Variants in ENOX1 observed in about 807,000 individuals in gnomAD.
ENOX1 encodes ecto-NOX disulfide-thiol exchanger 1.
Under a neutral mutation model 82.5 loss-of-function variants are expected in ENOX1, and 42 were observed. That is an observed-to-expected ratio of 0.51 (90% CI 0.40 to 0.66). The LOEUF is 0.66. Among genes scored for constraint, ENOX1 ranks in the 30% least tolerant of loss-of-function variants. The probability of loss-of-function intolerance (pLI) is 0.00; values close to 1 mark genes in which losing one functional copy is unlikely to be tolerated. For synonymous variants in ENOX1, 271 were observed against 282.2 expected, an observed-to-expected ratio of 0.96 and a Z score of 0.40; for missense variants, 608 against 811.6, an observed-to-expected ratio of 0.75 and a Z score of 3.05.
At chr13:43,449,593 A>G (rs566921774) in intron 3 of ENOX1, among the ~76,000 whole-genome samples, 67 of 152,358 alleles carry the variant, frequency 4.4e-4, no homozygotes, top group African/African-American at 1.4e-3. Flanking sequence ...AGTAACTTTC[A>G]TAAGGCAAAA....
intron 3 of ENOX1, among the ~76,000 whole-genome samples, chr13:43,423,230 A>G (rs1028356079): frequency 6.6e-6 from 1 of 152,176 alleles, no homozygotes; most frequent in Non-Finnish European, 1.5e-5. Context: ...AATCAACCAC[A>G]TACACAACCT....
At chr13:43,351,123 A>G (rs1487871132) in intron 8 of ENOX1, among the ~76,000 whole-genome samples, 1 of 152,244 alleles carries the variant, frequency 6.6e-6, no homozygotes, top group Admixed American at 6.5e-5. Context: ...GAATTTCAGT[A>G]TGGTCAAAGC....
At chr13:43,353,932 C>T (rs767004073) in intron 8 of ENOX1, among the ~76,000 whole-genome samples, 8 of 152,200 alleles carry the variant, frequency 5.3e-5, no homozygotes, top group Non-Finnish European at 7.3e-5. Flanking sequence ...CTAAAAGGAG[C>T]GGCAAATGCC....
chr13:43,471,880 G>C (rs2153648285), intron 3 of ENOX1, among the ~76,000 whole-genome samples: 1 of 151,792 alleles, frequency 6.6e-6, no homozygotes, highest in Middle Eastern at 3.4e-3. Context: ...TGAATGGACA[G>C]AGGGATAGAA....
chr13:43,754,094 ATATGTATACGTATATG>A (rs1950493104), intron 1 of ENOX1, among the ~76,000 whole-genome samples: 1 of 143,080 alleles, frequency 7.0e-6, no homozygotes, highest in African/African-American at 2.6e-5. Flanking sequence ...ATATACGTAT[ATATGTATACGTATATG>A]TATACATAAG....
At chr13:43,393,204 G>C (rs2052909676) in intron 5 of ENOX1, among the ~76,000 whole-genome samples, 1 of 152,200 alleles carries the variant, frequency 6.6e-6, no homozygotes. Context: ...CCTTTGGCTA[G>C]AAGTACAAGT....
chr13:43,530,513 T>C (rs543452087), intron 2 of ENOX1, among the ~76,000 whole-genome samples: 3 of 152,128 alleles, frequency 2.0e-5, no homozygotes, highest in Non-Finnish European at 4.4e-5. Context: ...AACTATCTCA[T>C]GTGCAGATAT....
chr13:43,478,213 T>C (rs1483800816), intron 3 of ENOX1, among the ~76,000 whole-genome samples: 2 of 152,040 alleles, frequency 1.3e-5, no homozygotes, highest in Non-Finnish European at 1.5e-5. Context: ...AGTGGGCATT[T>C]TTCTGAAAAA....
intron 3 of ENOX1, among the ~76,000 whole-genome samples, chr13:43,433,561 A>G (rs2055815233): frequency 2.6e-5 from 4 of 152,226 alleles, no homozygotes; most frequent in African/African-American, 7.2e-5. Context: ...AAAAATACAT[A>G]CACATATATG....
intron 11 of ENOX1, among the ~76,000 whole-genome samples, chr13:43,301,367 T>C: frequency 6.6e-6 from 1 of 152,180 alleles, no homozygotes; most frequent in East Asian, 1.9e-4. Flanking sequence ...TTAAATAAAT[T>C]ATCTGAACAT....
intron 12 of ENOX1, among the ~76,000 whole-genome samples, chr13:43,288,589 C>T (rs935042181): frequency 4.6e-5 from 7 of 152,148 alleles, no homozygotes; most frequent in Non-Finnish European, 1.0e-4. Context: ...TTTTCTTGCC[C>T]TGTCCAGTGA....
intron 12 of ENOX1, among the ~76,000 whole-genome samples, chr13:43,278,876 GA>G (rs1566406080): frequency 6.6e-6 from 1 of 151,980 alleles, no homozygotes; most frequent in Non-Finnish European, 1.5e-5. Context: ...AAGTTCAAAA[GA>G]AAAAAATTTT....
At chr13:43,643,754 T>C (rs2083770466) in intron 2 of ENOX1, among the ~76,000 whole-genome samples, 1 of 152,042 alleles carries the variant, frequency 6.6e-6, no homozygotes, top group South Asian at 2.1e-4. Flanking sequence ...TTCTACATAG[T>C]AGCAGCAAAT....
In ENOX1 at chr13:43,578,136, C is replaced by T. The variant is rs185828206; in HGVS notation, c.-219+89343G>A. Among the ~76,000 whole-genome samples, 4 of 152,252 alleles carry T rather than the reference C, an allele frequency of 2.6e-5. No homozygotes were observed. The East Asian group carries it at 5.8e-4, about 22-fold the overall frequency. ...GACGACACACGACAGCCATTTGAAA[C>T]GATCTGGCTTCTAATAAAAATAAGA... On this transcript the variant is annotated intron_variant, in intron 2 of 16. Transcript: ENST00000690772.
intron 15 of ENOX1, among the ~76,000 whole-genome samples, chr13:43,225,085 C>A (rs1026687321): frequency 4.6e-5 from 7 of 152,182 alleles, no homozygotes; most frequent in Admixed American, 4.6e-4. Flanking sequence ...TACTATGTAG[C>A]CATAAAAAAG....
chr13:43,312,367 G>A (rs2047253402), intron 11 of ENOX1, among the ~76,000 whole-genome samples: 1 of 152,168 alleles, frequency 6.6e-6, no homozygotes, highest in South Asian at 2.1e-4. Context: ...CTTGAAATTA[G>A]ATGGTGAGTC....
intron 12 of ENOX1, among the ~76,000 whole-genome samples, chr13:43,269,936 C>T (rs1379005914): frequency 6.6e-6 from 1 of 152,202 alleles, no homozygotes; most frequent in Admixed American, 6.5e-5. Context: ...CTTCATTTCA[C>T]ATATTACAGT....
At chr13:43,259,775 T>G (rs2153475443) in intron 14 of ENOX1, among the ~76,000 whole-genome samples, 1 of 152,180 alleles carries the variant, frequency 6.6e-6, no homozygotes, top group Middle Eastern at 3.4e-3. Flanking sequence ...TGCCCGGCCT[T>G]ATTTTCCTTT....
intron 2 of ENOX1, among the ~76,000 whole-genome samples, chr13:43,659,224 C>A (rs1015314481): frequency 1.6e-4 from 25 of 152,180 alleles, no homozygotes; most frequent in Non-Finnish European, 1.5e-4. Context: ...CACTGTGGCT[C>A]ACACCTATAA....
Sources: allele counts gnomAD v4.1 joint callset (sites outside exome capture counted in the v4.1 genomes callset), GRCh38; gene constraint gnomAD v4.1.1; transcripts MANE v1.5; gene names NCBI Gene and HGNC (gene_info 2026-07-23, HGNC 2026-07-21).